SPMIP9: variants seen among roughly 807,000 people sequenced by gnomAD.
The protein encoded by SPMIP9 is sperm microtubule inner protein 9.
chr2:88,526,398 G>T, the SPMIP9 span: 1 of 1,606,732 alleles, frequency 6.2e-7, no homozygotes, highest in East Asian at 2.2e-5. Flanking sequence ...TTCTCCTTGT[G>T]CTTTAGGACC....
chr2:88,528,683 T>C, the SPMIP9 span, among the ~76,000 whole-genome samples: 1 of 152,222 alleles, frequency 6.6e-6, no homozygotes, highest in Non-Finnish European at 1.5e-5. Flanking sequence ...TGTTATTTAA[T>C]GGAAGCAAAG....
At chr2:88,525,767 T>G in the SPMIP9 span, 16 of 1,288,132 alleles carry the variant, frequency 1.2e-5, no homozygotes, top group Non-Finnish European at 1.8e-5. Flanking sequence ...GAAGCTCATC[T>G]TTCTGTAATG....
the SPMIP9 span, among the ~76,000 whole-genome samples, chr2:88,528,034 T>C: frequency 6.6e-6 from 1 of 152,210 alleles, no homozygotes; most frequent in African/African-American, 2.4e-5. Context: ...GATTTGCTAT[T>C]TTATAAAATG....
the SPMIP9 span, among the ~76,000 whole-genome samples, chr2:88,525,178 A>C: frequency 2.0e-5 from 3 of 152,256 alleles, no homozygotes; most frequent in African/African-American, 7.2e-5. Flanking sequence ...GGCTCACAAG[A>C]GCCCATCCTG....
At chr2:88,526,492 C>T in the SPMIP9 span, 2 of 1,613,676 alleles carry the variant, frequency 1.2e-6, no homozygotes, top group South Asian at 1.1e-5. Context: ...GGTCACGCCG[C>T]AAGAGGTAGG....
At chr2:88,529,361 G>A in the SPMIP9 span, 1 of 1,614,076 alleles carries the variant, frequency 6.2e-7, no homozygotes, top group Admixed American at 1.7e-5. Context: ...CCAGCCTGCT[G>A]CAGAGATGGC....
the SPMIP9 span, chr2:88,529,523 C>T: frequency 4.7e-5 from 70 of 1,503,910 alleles, no homozygotes; most frequent in African/African-American, 8.0e-4. Flanking sequence ...ATGTGGAAAT[C>T]CTATGACCTT....
chr2:88,527,147 C>T, the SPMIP9 span, among the ~76,000 whole-genome samples: 149 of 152,180 alleles, frequency 9.8e-4, no homozygotes, highest in African/African-American at 3.4e-3. Flanking sequence ...AAACTTACCC[C>T]TCCTCCCATC....
chr2:88,526,577 T>G, the SPMIP9 span: 8 of 1,100,556 alleles, frequency 7.3e-6, no homozygotes, highest in East Asian at 2.0e-4. Context: ...ATTACAAATG[T>G]GGACATTTGG....
chr2:88,527,151 T>C, the SPMIP9 span, among the ~76,000 whole-genome samples: 1 of 152,178 alleles, frequency 6.6e-6, no homozygotes, highest in South Asian at 2.1e-4. Flanking sequence ...TTACCCCTCC[T>C]CCCATCTCCA....
the SPMIP9 span, chr2:88,528,943 G>C: frequency 4.3e-6 from 5 of 1,154,678 alleles, no homozygotes; most frequent in South Asian, 1.6e-5. Context: ...CTAATTTAAA[G>C]TTTTGAAAAA....
the SPMIP9 span, among the ~76,000 whole-genome samples, chr2:88,526,751 G>A: frequency 1.3e-5 from 2 of 151,846 alleles, no homozygotes; most frequent in Non-Finnish European, 2.9e-5. Flanking sequence ...TACAACCTCT[G>A]CCGCCTGCCT....
the SPMIP9 span, chr2:88,528,955 TAAAGAAGGG>T: frequency 7.8e-7 from 1 of 1,278,450 alleles, no homozygotes; most frequent in South Asian, 1.5e-5. Context: ...TTTGAAAAAA[TAAAGAAGGG>T]TGTGCTCTGT....
At chr2:88,526,307 G>C in the SPMIP9 span, 3 of 911,396 alleles carry the variant, frequency 3.3e-6, no homozygotes, top group Non-Finnish European at 1.8e-6. Context: ...AGGCCCCAAA[G>C]TCGGCCTTTG....
At chr2:88,525,812 G>C in the SPMIP9 span, 1 of 735,586 alleles carries the variant, frequency 1.4e-6, no homozygotes, top group South Asian at 1.7e-5. Context: ...TTTTTTTTTT[G>C]GTACAAGAAG....
the SPMIP9 span, chr2:88,525,658 A>C: frequency 6.2e-7 from 1 of 1,614,176 alleles, no homozygotes; most frequent in South Asian, 1.1e-5. Flanking sequence ...GCAGGTGTGA[A>C]ATACCCGGGA....
the SPMIP9 span, among the ~76,000 whole-genome samples, chr2:88,527,161 A>G: frequency 1.3e-5 from 2 of 152,178 alleles, no homozygotes; most frequent in African/African-American, 4.8e-5. Context: ...TCCCATCTCC[A>G]GAAGTGGTTA....
At chr2:88,529,281 A>C in the SPMIP9 span, 11 of 1,614,022 alleles carry the variant, frequency 6.8e-6, no homozygotes, top group Non-Finnish European at 9.3e-6. Flanking sequence ...CACGATCTGC[A>C]CCTGGCCCAG....
chr2:88,525,106 T>C, the SPMIP9 span, among the ~76,000 whole-genome samples: 1 of 152,114 alleles, frequency 6.6e-6, no homozygotes, highest in African/African-American at 2.4e-5. Flanking sequence ...GGCCTTCCTC[T>C]ATCCAGGGGA....
Sources: allele counts gnomAD v4.1 joint callset (sites outside exome capture counted in the v4.1 genomes callset), GRCh38; gene constraint gnomAD v4.1.1; transcripts MANE v1.5; gene names NCBI Gene and HGNC (gene_info 2026-07-23, HGNC 2026-07-21).